Variants in SEMA5A observed in about 807,000 individuals in gnomAD.
The protein encoded by SEMA5A is semaphorin-5A.
Under a neutral mutation model 135.5 loss-of-function variants are expected in SEMA5A, and 55 were observed. The ratio of observed to expected loss-of-function variants is 0.41; its 90% CI spans 0.33 to 0.51. The LOEUF is 0.51. Among genes scored for constraint, SEMA5A ranks in the 20% least tolerant of loss-of-function variants. SEMA5A has a pLI of 0.37. For missense variants in SEMA5A, 1,290 were observed against 1,419.9 expected, an observed-to-expected ratio of 0.91 and a Z score of 1.47; for synonymous variants, 580 against 546.5, an observed-to-expected ratio of 1.06 and a Z score of -0.85.
intron 8 of SEMA5A, among the ~76,000 whole-genome samples, chr5:9,206,254 A>G (rs961711982): frequency 2.6e-5 from 4 of 152,146 alleles, no homozygotes; most frequent in East Asian, 2.0e-4. Context: ...CTGTGTAAAC[A>G]TATGCATGGA....
chr5:9,170,487 C>T (rs957412339), intron 11 of SEMA5A, among the ~76,000 whole-genome samples: 1 of 152,032 alleles, frequency 6.6e-6, no homozygotes, highest in South Asian at 2.1e-4. Context: ...TGCCCCCCTA[C>T]CCCCAGATTT....
At chr5:9,498,260 T>G (rs1735402529) in intron 1 of SEMA5A, 1 of 152,164 alleles carries the variant, frequency 6.6e-6, no homozygotes, top group South Asian at 2.1e-4. Context: ...ATAACCATCC[T>G]GGGGCCAGGC....
At chr5:9,506,549 G>T (rs1415896156) in intron 1 of SEMA5A, among the ~76,000 whole-genome samples, 4 of 152,170 alleles carry the variant, frequency 2.6e-5, no homozygotes, top group South Asian at 4.1e-4. Context: ...CATGGGGTAG[G>T]GTTGAAAGGG....
intron 2 of SEMA5A, among the ~76,000 whole-genome samples, chr5:9,407,855 C>T (rs567229658): frequency 6.6e-6 from 1 of 152,210 alleles, no homozygotes; most frequent in African/African-American, 2.4e-5. Flanking sequence ...AGTCTGTAGT[C>T]CTGCCTTACC....
At chr5:9,441,834 C>T (rs1758248560) in intron 1 of SEMA5A, among the ~76,000 whole-genome samples, 1 of 152,088 alleles carries the variant, frequency 6.6e-6, no homozygotes, top group African/African-American at 2.4e-5. Flanking sequence ...CTCCAGACAG[C>T]TAACAGATGG....
intron 2 of SEMA5A, among the ~76,000 whole-genome samples, chr5:9,387,089 G>A (rs558852621): frequency 2.0e-4 from 30 of 152,170 alleles, no homozygotes; most frequent in Non-Finnish European, 3.5e-4. Context: ...GCAGTGACAG[G>A]CCACATCAGG....
chr5:9,421,206 T>C (rs149338431), intron 2 of SEMA5A, among the ~76,000 whole-genome samples: 1 of 152,312 alleles, frequency 6.6e-6, no homozygotes, highest in African/African-American at 2.4e-5. Context: ...CAAATACAGG[T>C]ATTCAGACAT....
At chr5:9,274,925 G>C (rs1330488098) in intron 5 of SEMA5A, among the ~76,000 whole-genome samples, 1 of 152,036 alleles carries the variant, frequency 6.6e-6, no homozygotes, top group Admixed American at 6.6e-5. Flanking sequence ...AATAGAACTA[G>C]AGAAGCAAGA....
intron 11 of SEMA5A, among the ~76,000 whole-genome samples, chr5:9,164,345 A>G (rs1304143615): frequency 6.8e-6 from 1 of 147,876 alleles, no homozygotes; most frequent in East Asian, 1.9e-4. Context: ...TAGAAATAAT[A>G]GATTCTGGCA....
At chr5:9,537,903 A>G (rs4702632) in intron 1 of SEMA5A, among the ~76,000 whole-genome samples, 6 of 152,196 alleles carry the variant, frequency 3.9e-5, no homozygotes, top group Admixed American at 3.9e-4. Flanking sequence ...ACATCCCCAA[A>G]GCCATGCTGA....
At chr5:9,277,928 C>T (rs114774218) in intron 5 of SEMA5A, among the ~76,000 whole-genome samples, 1,574 of 151,808 alleles carry the variant, frequency 0.01, 21 homozygotes, top group African/African-American at 0.032. Flanking sequence ...TTGCATGTTC[C>T]GCACATGTAC....
chr5:9,315,535 A>G (rs956026007), intron 5 of SEMA5A, among the ~76,000 whole-genome samples: 1 of 152,140 alleles, frequency 6.6e-6, no homozygotes, highest in Non-Finnish European at 1.5e-5. Context: ...TTTGATCCCC[A>G]TGTCTATTTG....
chr5:9,180,057 C>T (rs76203965), intron 11 of SEMA5A, among the ~76,000 whole-genome samples: 2,662 of 152,250 alleles, frequency 0.017, 23 homozygotes, highest in Middle Eastern at 0.037. Context: ...TGCATTTGTG[C>T]ACTCCAATCT....
At chr5:9,538,925 G>C (rs1231527069) in intron 1 of SEMA5A, among the ~76,000 whole-genome samples, 2 of 152,204 alleles carry the variant, frequency 1.3e-5, no homozygotes, top group East Asian at 1.9e-4. Flanking sequence ...TTTTAGAGAT[G>C]ATGTCCAGAA....
chr5:9,228,484 G>C (rs1424280314), intron 6 of SEMA5A, among the ~76,000 whole-genome samples: 1 of 152,200 alleles, frequency 6.6e-6, no homozygotes. Flanking sequence ...GTGTGCCCAG[G>C]TAGTGAGTTC....
rs575945694 is a variant in SEMA5A at position 9,464,381 on chromosome 5, T to C, written c.-174-26529A>G. The stretch of plus-strand genomic sequence containing the variant: ...GTATGCATACATACACACGTTTCCA[T>C]CGGCTTAGAAAATTTCTGGAAAGAA... On this transcript the variant is annotated intron_variant, in intron 1 of 22. Coordinates refer to ENST00000382496, the MANE Select transcript of SEMA5A (RefSeq NM_003966.3). 2.0e-5 allele frequency among the ~76,000 whole-genome samples: 3 copies of C among 152,320 alleles called. No homozygotes were observed. In the South Asian group the frequency reaches 6.2e-4, roughly 32 times the overall value.
intron 4 of SEMA5A, among the ~76,000 whole-genome samples, chr5:9,330,397 A>T (rs1256363652): frequency 2.7e-5 from 4 of 149,110 alleles, no homozygotes; most frequent in Non-Finnish European, 5.9e-5. Context: ...CTCAAAAAAA[A>T]AAAAAAAAGT....
intron 16 of SEMA5A, among the ~76,000 whole-genome samples, chr5:9,097,191 T>G (rs541731662): frequency 6.6e-6 from 1 of 152,166 alleles, no homozygotes; most frequent in Non-Finnish European, 1.5e-5. Context: ...GCCTCACAAG[T>G]AGTAATACTG....
chr5:9,207,986 TAG>T (rs1352472209), intron 8 of SEMA5A, among the ~76,000 whole-genome samples: 4 of 152,142 alleles, frequency 2.6e-5, no homozygotes, highest in Non-Finnish European at 5.9e-5. Context: ...TACATGAGTA[TAG>T]AGATATATGT....
Sources: allele counts gnomAD v4.1 joint callset (sites outside exome capture counted in the v4.1 genomes callset), GRCh38; gene constraint gnomAD v4.1.1; transcripts MANE v1.5; gene names NCBI Gene and HGNC (gene_info 2026-07-23, HGNC 2026-07-21).